The following PTPRD variants were observed in gnomAD, a reference collection of about 807,000 sequenced individuals.
The protein encoded by PTPRD is receptor-type tyrosine-protein phosphatase delta.
Under a neutral mutation model 214.5 loss-of-function variants are expected in PTPRD, and 34 were observed. The ratio of observed to expected loss-of-function variants is 0.16; its 90% confidence interval spans 0.12 to 0.21. The LOEUF (loss-of-function observed/expected upper bound fraction) is 0.21, where lower values mean the gene tolerates loss of function less well. PTPRD is among the 10% of genes least tolerant of loss of function. The pLI, the probability that PTPRD is intolerant of heterozygous loss-of-function variation, is 1.00. For synonymous variants in PTPRD, 1,128 were observed against 845.7 expected (o/e 1.33, Z -5.79); for missense variants, 2,545 against 2,398.7 (o/e 1.06, Z -1.27).
chr9:9,217,943 C>T (rs1430894647), intron 9 of PTPRD, among the ~76,000 whole-genome samples: 2 of 152,078 alleles, frequency 1.3e-5, no homozygotes, highest in Non-Finnish European at 1.5e-5. Flanking sequence ...TGCAATAGTT[C>T]TGTCTTCATG....
intron 14 of PTPRD, among the ~76,000 whole-genome samples, chr9:8,595,887 G>A (rs2094450521): frequency 6.6e-6 from 1 of 152,250 alleles, no homozygotes; most frequent in African/African-American, 2.4e-5. Flanking sequence ...TATGTCTTCA[G>A]TAGGCTAGAC....
chr9:9,124,605 A>G (rs2154468203), intron 10 of PTPRD, among the ~76,000 whole-genome samples: 1 of 152,188 alleles, frequency 6.6e-6, no homozygotes, highest in African/African-American at 2.4e-5. Flanking sequence ...ACAAAACCGA[A>G]CTGTTCAGCT....
intron 10 of PTPRD, among the ~76,000 whole-genome samples, chr9:9,083,078 G>C (rs1000380175): frequency 6.6e-6 from 1 of 152,094 alleles, no homozygotes; most frequent in Non-Finnish European, 1.5e-5. Context: ...AACCAGAAAA[G>C]AACCTGTATA....
chr9:9,841,556 G>T (rs114594002), intron 5 of PTPRD, among the ~76,000 whole-genome samples: 50 of 152,008 alleles, frequency 3.3e-4, no homozygotes, highest in Admixed American at 6.6e-5. Context: ...GAATATATAC[G>T]CTAGAACATG....
At chr9:8,775,406 A>G (rs949573477) in intron 11 of PTPRD, among the ~76,000 whole-genome samples, 2 of 152,112 alleles carry the variant, frequency 1.3e-5, no homozygotes, top group African/African-American at 4.8e-5. Context: ...ACAAGGATGG[A>G]TAACTTTGAA....
At chr9:10,018,479 A>G (rs1377882185) in intron 4 of PTPRD, among the ~76,000 whole-genome samples, 1 of 149,546 alleles carries the variant, frequency 6.7e-6, no homozygotes, top group African/African-American at 2.4e-5. Context: ...GCTTTTAAAA[A>G]TATTTGTTCT....
At chr9:10,373,486 C>T (rs1361801641) in intron 2 of PTPRD, among the ~76,000 whole-genome samples, 1 of 152,050 alleles carries the variant, frequency 6.6e-6, no homozygotes, top group Non-Finnish European at 1.5e-5. Flanking sequence ...ATTGAATCAT[C>T]ACCTTGTGAA....
At chr9:10,057,858 A>G (rs2097687180) in intron 3 of PTPRD, among the ~76,000 whole-genome samples, 1 of 141,768 alleles carries the variant, frequency 7.1e-6, no homozygotes, top group Non-Finnish European at 1.5e-5. Flanking sequence ...AAACAAAAAA[A>G]AAACAAAAAA....
chr9:9,593,417 T>G (rs1446013078), intron 7 of PTPRD, among the ~76,000 whole-genome samples: 3 of 151,992 alleles, frequency 2.0e-5, no homozygotes, highest in Admixed American at 6.6e-5. Flanking sequence ...ATTGAGCAAT[T>G]TAAATGTTTT....
intron 30 of PTPRD, among the ~76,000 whole-genome samples, chr9:8,475,657 T>C (rs1420931036): frequency 2.0e-5 from 3 of 152,204 alleles, no homozygotes; most frequent in Admixed American, 6.5e-5. Context: ...AAACCCTCCC[T>C]AACATTGCAC....
intron 11 of PTPRD, among the ~76,000 whole-genome samples, chr9:8,756,415 C>A (rs1390643224): frequency 6.6e-6 from 1 of 152,086 alleles, no homozygotes; most frequent in Non-Finnish European, 1.5e-5. Flanking sequence ...ATGTAACATG[C>A]ATGGAATAAT....
chr9:8,532,693 C>T lies in PTPRD; in HGVS notation c.353-3914G>A, dbSNP rs141353850. ...CTACTAATTCATCAACCATTTAAAT[C>T]AGACTTGACCTTCACAAAGCCATTT... On this transcript the variant is annotated intron_variant, in intron 14 of 45. Transcript: ENST00000381196. Among the ~76,000 whole-genome samples, 86 of 152,144 alleles carry T rather than the reference C, an allele frequency of 5.7e-4. No individual in the cohort carries two copies. In the East Asian group the frequency reaches 0.015, roughly 27 times the overall value.
At chr9:9,938,693 C>T (rs1003516599) in intron 4 of PTPRD, 83 bp from the exon 5 acceptor site, 1 of 152,082 alleles carries the variant, frequency 6.6e-6, no homozygotes, top group African/African-American at 2.4e-5. Context: ...TTTCCTGTCA[C>T]ATTAGACACT....
At chr9:9,414,592 A>G (rs1247722765) in intron 8 of PTPRD, among the ~76,000 whole-genome samples, 1 of 152,196 alleles carries the variant, frequency 6.6e-6, no homozygotes, top group East Asian at 1.9e-4. Flanking sequence ...AAACAAACAA[A>G]CCAACCCATC....
Position 8,341,704 on chromosome 9 carries a change from G to T in PTPRD, c.4936C>A (p.Leu1646Ile), listed in dbSNP as rs764664438. 3 of 1,613,284 alleles carry T rather than the reference G, an allele frequency of 1.9e-6. No individual in the cohort carries two copies. The South Asian group carries it at 3.3e-5, about 18-fold the overall frequency. Residue 1646 changes from leucine to isoleucine, a missense_variant, in exon 40 of 46, where the codon CTC becomes ATC. Physicochemically the swap from Leu to Ile is conservative, Grantham distance 5 (BLOSUM62 2). Transcript: ENST00000381196. ...ETGENVTGME[L>I]EFKRLASSKA... ...ATCCAATACCATACCTTAAATTCGA[G>T]CTCCATTCCTGTGACATTCTCTCCC...
chr9:10,435,267 C>A (rs1253986055), intron 2 of PTPRD, among the ~76,000 whole-genome samples: 2 of 151,862 alleles, frequency 1.3e-5, no homozygotes, highest in African/African-American at 4.8e-5. Context: ...AGCAGGAAAT[C>A]CATATCTTCC....
chr9:9,180,882 G>T lies in PTPRD; in HGVS notation c.-143+2422C>A, dbSNP rs528505479. ...ACATCATGTCTTAAAAATTTTTGTA[G>T]ACAATATGGAGAAGTTGGAACTGAA... On this transcript the variant is annotated intron_variant, in intron 10 of 45. Transcript: ENST00000381196. 1.6e-3 allele frequency among the ~76,000 whole-genome samples: 240 copies of T among 152,206 alleles called. 2 individuals carry two copies. Among genetic ancestry groups the T allele is most frequent in the Admixed American group, 7.1e-3 (109 of 15,250 alleles).
chr9:9,697,579 T>C lies in PTPRD; in HGVS notation c.-287+36954A>G, dbSNP rs537927519. Among the ~76,000 whole-genome samples the C allele has an allele frequency of 3.4e-4, 52 of 152,240 alleles. 1 individual carries two copies. In the South Asian group the frequency reaches 0.01, roughly 30 times the overall value. On this transcript the variant is annotated intron_variant, in intron 7 of 45. Coordinates refer to ENST00000381196, the MANE Select transcript of PTPRD (RefSeq NM_002839.4). ...AAAAATTGGAAGTCTCTCATATGTTTTTTGCTTCTTTTCTCTTGTTGCTTT... is the reference window on the plus strand; with the variant it reads ...AAAAATTGGAAGTCTCTCATATGTTCTTTGCTTCTTTTCTCTTGTTGCTTT...
intron 11 of PTPRD, among the ~76,000 whole-genome samples, chr9:8,752,199 G>A (rs575613334): frequency 1.1e-4 from 16 of 152,248 alleles, no homozygotes; most frequent in African/African-American, 3.4e-4. Flanking sequence ...GATGAGATAG[G>A]AGGTCCGCAC....
Sources: gnomAD v4.1 joint callset for allele counts (sites outside exome capture counted in the v4.1 genomes callset) on GRCh38, gnomAD v4.1.1 for gene constraint, MANE v1.5 for transcripts, NCBI Gene and HGNC (gene_info 2026-07-23, HGNC 2026-07-21) for gene names.